The following LRMDA variants were observed in gnomAD, a reference collection of about 807,000 sequenced individuals.
LRMDA encodes the protein leucine-rich melanocyte differentiation-associated protein.
A neutral mutation model predicts 29.8 loss-of-function variants in LRMDA; 18 were observed. The observed-to-expected ratio is 0.60, with a 90% confidence interval of 0.42 to 0.90. The LOEUF (loss-of-function observed/expected upper bound fraction) is 0.90. Ranked by LOEUF, LRMDA falls within the 40% of genes least tolerant of loss-of-function variation. The probability of loss-of-function intolerance (pLI) is 0.00; values close to 1 mark genes in which losing one functional copy is unlikely to be tolerated. For synonymous variants in LRMDA, 125 were observed against 109.4 expected (o/e 1.14, Z -0.89); for missense variants, 273 against 273.9 (o/e 1.00, Z 0.02).
intron 2 of LRMDA, among the ~76,000 whole-genome samples, chr10:75,857,055 A>G (rs72811436): frequency 6.6e-6 from 1 of 152,322 alleles, no homozygotes; most frequent in Non-Finnish European, 1.5e-5. Flanking sequence ...AAAATGAGCG[A>G]TTTAAACTTA....
At chr10:76,218,474 G>A (rs1276592763) in intron 5 of LRMDA, among the ~76,000 whole-genome samples, 1 of 152,220 alleles carries the variant, frequency 6.6e-6, no homozygotes, top group Non-Finnish European at 1.5e-5. Flanking sequence ...AGAAAAACAT[G>A]TTAAGTAAGA....
chr10:75,543,081 GCTGC>G (rs1172713058), intron 2 of LRMDA, among the ~76,000 whole-genome samples: 1 of 152,180 alleles, frequency 6.6e-6, no homozygotes, highest in Admixed American at 6.5e-5. Context: ...TTGATAGCAG[GCTGC>G]CTAGAGCCAA....
intron 2 of LRMDA, among the ~76,000 whole-genome samples, chr10:75,516,355 C>T (rs1440008174): frequency 1.3e-5 from 2 of 152,348 alleles, no homozygotes; most frequent in East Asian, 3.9e-4. Context: ...TCCACATCCT[C>T]TCCAGCATCT....
intron 2 of LRMDA, among the ~76,000 whole-genome samples, chr10:75,581,937 AAAT>A (rs1174509391): frequency 6.6e-6 from 1 of 152,188 alleles, no homozygotes; most frequent in African/African-American, 2.4e-5. Flanking sequence ...ATATATTAAA[AAAT>A]ATCTTAAAGC....
At chr10:75,515,411 C>T (rs190096174) in intron 2 of LRMDA, among the ~76,000 whole-genome samples, 6 of 152,320 alleles carry the variant, frequency 3.9e-5, no homozygotes, top group African/African-American at 1.4e-4. Flanking sequence ...CTCACTCTGT[C>T]ACCCAGGCAG....
chr10:76,308,961 A>G (rs970978720), intron 5 of LRMDA, among the ~76,000 whole-genome samples: 8 of 152,168 alleles, frequency 5.3e-5, no homozygotes, highest in African/African-American at 1.9e-4. Flanking sequence ...TCTTTGATCA[A>G]AGAATGGCAT....
chr10:76,388,937 G>T (rs1841691438), intron 6 of LRMDA, among the ~76,000 whole-genome samples: 1 of 152,130 alleles, frequency 6.6e-6, no homozygotes, highest in South Asian at 2.1e-4. Context: ...AGGCAGTCTG[G>T]CTCCAGTGTT....
intron 6 of LRMDA, among the ~76,000 whole-genome samples, chr10:76,523,997 T>C (rs113326412): frequency 1.5e-3 from 235 of 152,324 alleles, no homozygotes; most frequent in African/African-American, 5.2e-3. Flanking sequence ...CAGATGAACA[T>C]TGACGCAAAT....
chr10:76,375,917 T>C (rs1055972408), intron 6 of LRMDA, among the ~76,000 whole-genome samples: 2 of 152,118 alleles, frequency 1.3e-5, no homozygotes, highest in African/African-American at 4.8e-5. Flanking sequence ...TAAAGAACTA[T>C]TACTGGAAAA....
chr10:76,482,750 T>A (rs940455787), intron 6 of LRMDA, among the ~76,000 whole-genome samples: 4 of 152,014 alleles, frequency 2.6e-5, no homozygotes, highest in Non-Finnish European at 5.9e-5. Flanking sequence ...CATTAGCAGA[T>A]GTTGCCAGAT....
intron 2 of LRMDA, among the ~76,000 whole-genome samples, chr10:75,460,479 G>C (rs1420809571): frequency 6.6e-6 from 1 of 152,164 alleles, no homozygotes; most frequent in Non-Finnish European, 1.5e-5. Context: ...GAAATTTGGG[G>C]CTCAGAAAGT....
At chr10:75,572,703 C>T (rs1840452860) in intron 2 of LRMDA, among the ~76,000 whole-genome samples, 1 of 152,102 alleles carries the variant, frequency 6.6e-6, no homozygotes, top group Non-Finnish European at 1.5e-5. Flanking sequence ...AGCTATTTTT[C>T]TCTGAACACT....
chr10:75,907,102 G>C (rs1845771886), intron 2 of LRMDA, among the ~76,000 whole-genome samples: 1 of 152,200 alleles, frequency 6.6e-6, no homozygotes, highest in South Asian at 2.1e-4. Context: ...AATTATTGTT[G>C]TGAAAAGAGT....
chr10:76,434,620 T>C (rs892200250), intron 6 of LRMDA, among the ~76,000 whole-genome samples: 27 of 152,298 alleles, frequency 1.8e-4, no homozygotes, highest in African/African-American at 6.3e-4. Context: ...CATCCATCCA[T>C]TCATTCATCC....
intron 5 of LRMDA, among the ~76,000 whole-genome samples, chr10:76,316,102 T>C (rs1179685613): frequency 6.6e-6 from 1 of 152,168 alleles, no homozygotes; most frequent in Non-Finnish European, 1.5e-5. Flanking sequence ...CAAACAGGGC[T>C]GAAACACGCC....
At chr10:75,929,603 A>G (rs559635948) in intron 2 of LRMDA, among the ~76,000 whole-genome samples, 6 of 152,284 alleles carry the variant, frequency 3.9e-5, no homozygotes, top group African/African-American at 1.4e-4. Flanking sequence ...ATAGTGCCTT[A>G]CTATTAGGGC....
chr10:75,921,880 T>A (rs1846029453), intron 2 of LRMDA, among the ~76,000 whole-genome samples: 1 of 152,224 alleles, frequency 6.6e-6, no homozygotes, highest in African/African-American at 2.4e-5. Flanking sequence ...TTGATAAACT[T>A]CCTATTCCCT....
At chr10:76,306,971 T>C (rs1209962675) in intron 5 of LRMDA, among the ~76,000 whole-genome samples, 3 of 152,208 alleles carry the variant, frequency 2.0e-5, no homozygotes, top group Non-Finnish European at 1.5e-5. Context: ...AACTTTATCC[T>C]GTTGACATAT....
intron 2 of LRMDA, chr10:75,882,658 A>C (rs1845313722): frequency 6.6e-6 from 1 of 152,268 alleles, no homozygotes; most frequent in Admixed American, 6.5e-5. Flanking sequence ...TTTTCCAGCT[A>C]TCTGAACGTT....
Sources: allele counts gnomAD v4.1 joint callset (sites outside exome capture counted in the v4.1 genomes callset), GRCh38; gene constraint gnomAD v4.1.1; transcripts MANE v1.5; gene names NCBI Gene and HGNC (gene_info 2026-07-23, HGNC 2026-07-21).